ADARB2: variants seen among roughly 807,000 people sequenced by gnomAD.
ADARB2 encodes inactive double-stranded RNA-specific editase B2.
Under a neutral mutation model 62.2 loss-of-function variants are expected in ADARB2, and 25 were observed. The observed-to-expected ratio is 0.40, with a 90% CI of 0.29 to 0.56. The LOEUF is 0.56. Among genes scored for constraint, ADARB2 ranks in the 20% least tolerant of loss-of-function variants. The probability of loss-of-function intolerance (pLI) is 0.43; values close to 1 mark genes in which losing one functional copy is unlikely to be tolerated. For missense variants in ADARB2, 1,071 were observed against 1,077.4 expected, an observed-to-expected ratio of 0.99 and a Z score of 0.08; for synonymous variants, 572 against 500.8, an observed-to-expected ratio of 1.14 and a Z score of -1.90.
chr10:1,676,412 T>C (rs1198929134), intron 1 of ADARB2, among the ~76,000 whole-genome samples: 1 of 152,206 alleles, frequency 6.6e-6, no homozygotes, highest in East Asian at 1.9e-4. Flanking sequence ...TTAAAGTTCA[T>C]GAAGGCACCA....
intron 1 of ADARB2, among the ~76,000 whole-genome samples, chr10:1,567,067 T>A (rs537202281): frequency 6.6e-6 from 1 of 152,078 alleles, no homozygotes; most frequent in East Asian, 1.9e-4. Context: ...CTTAGAATTG[T>A]GGAAGTTTAG....
intron 1 of ADARB2, among the ~76,000 whole-genome samples, chr10:1,727,425 C>T (rs1588368661): frequency 6.6e-6 from 1 of 152,210 alleles, no homozygotes. Flanking sequence ...CTCAGCCCAT[C>T]TCTCCACAGC....
chr10:1,367,192 C>T (rs1832321091), intron 2 of ADARB2, among the ~76,000 whole-genome samples: 1 of 152,230 alleles, frequency 6.6e-6, no homozygotes, highest in African/African-American at 2.4e-5. Context: ...GCGCTGCCTG[C>T]CCGTTCAGCT....
intron 8 of ADARB2, among the ~76,000 whole-genome samples, chr10:1,196,900 C>T (rs1589148557): frequency 1.3e-5 from 2 of 152,328 alleles, no homozygotes; most frequent in Admixed American, 1.3e-4. Context: ...CCACGCTTAG[C>T]TAAGACTGCC....
chr10:1,430,773 T>C (rs1015981963), intron 1 of ADARB2, among the ~76,000 whole-genome samples: 1 of 152,038 alleles, frequency 6.6e-6, no homozygotes, highest in African/African-American at 2.4e-5. Context: ...TATATGAAAT[T>C]ATATAAAGTA....
chr10:1,327,070 C>CCACTGCACAGCGCCTCCT (rs1564258065), intron 3 of ADARB2, among the ~76,000 whole-genome samples: 1 of 41,030 alleles, frequency 2.4e-5, no homozygotes, highest in South Asian at 6.3e-4. Flanking sequence ...CAGCGCCTCC[C>CCACTGCACAGCGCCTCCT]CACTGCACAG....
intron 1 of ADARB2, among the ~76,000 whole-genome samples, chr10:1,624,082 A>C (rs1209606436): frequency 6.6e-6 from 1 of 151,994 alleles, no homozygotes; most frequent in Non-Finnish European, 1.5e-5. Context: ...AAAACATGAA[A>C]AATTAGCCTG....
In ADARB2 at chr10:1,219,985, GTGA is replaced by G. The variant is rs747830558; in HGVS notation, c.1514-2869_1514-2867del. On this transcript the variant is annotated intron_variant, in intron 6 of 9. Coordinates refer to ENST00000381312, the MANE Select transcript of ADARB2 (RefSeq NM_018702.4). ...GTGGTGATGGATGATGGTGATGGTGGTGATGATGGTGATGATGATGGTAATGGT... is the reference window on the plus strand; with the variant it reads ...GTGGTGATGGATGATGGTGATGGTGGTGATGGTGATGATGATGGTAATGGT... Among the ~76,000 whole-genome samples, 130 of 129,608 alleles carry G rather than the reference GTGA, an allele frequency of 1.0e-3. No homozygotes were observed. In the East Asian group the frequency reaches 0.024, roughly 24 times the overall value. 85.0% of individuals were successfully genotyped at this position (129,608 alleles called of 152,430 possible).
chr10:1,183,070 C>T lies in ADARB2; in HGVS notation c.*123G>A, dbSNP rs544631735. 15 of 1,129,414 alleles carry T rather than the reference C, an allele frequency of 1.3e-5. No individual in the cohort carries two copies. In the Admixed American group the frequency reaches 1.5e-4, roughly 11 times the overall value. 70.0% of individuals were successfully genotyped at this position (1,129,414 alleles called of 1,614,324 possible). On this transcript the variant is annotated 3_prime_UTR_variant, in exon 10 of 10. Coordinates refer to ENST00000381312, the MANE Select transcript of ADARB2 (RefSeq NM_018702.4). ...TGCTCGTCCAAACATTGCACACTCGCGTGTTTCTGGGACACCAAAGTAAAA... is the reference window on the plus strand; with the variant it reads ...TGCTCGTCCAAACATTGCACACTCGTGTGTTTCTGGGACACCAAAGTAAAA...
At chr10:1,508,304 C>A (rs760427866) in intron 1 of ADARB2, among the ~76,000 whole-genome samples, 1 of 152,186 alleles carries the variant, frequency 6.6e-6, no homozygotes, top group Admixed American at 6.5e-5. Context: ...TGAAGACACA[C>A]GCTATGGTCA....
At chr10:1,305,765 T>C (rs1233105362) in intron 3 of ADARB2, among the ~76,000 whole-genome samples, 2 of 152,166 alleles carry the variant, frequency 1.3e-5, no homozygotes, top group Non-Finnish European at 2.9e-5. Flanking sequence ...AATCAATAAA[T>C]GTAATCCAGC....
intron 1 of ADARB2, among the ~76,000 whole-genome samples, chr10:1,664,845 C>T (rs951044147): frequency 6.6e-6 from 1 of 152,202 alleles, no homozygotes; most frequent in African/African-American, 2.4e-5. Context: ...AATGGCTCCT[C>T]AAGACTGCCA....
chr10:1,693,023 T>C (rs912256221), intron 1 of ADARB2, among the ~76,000 whole-genome samples: 3 of 152,184 alleles, frequency 2.0e-5, no homozygotes, highest in African/African-American at 7.2e-5. Flanking sequence ...CTGGAGTTTT[T>C]GGAAGTCTCT....
intron 1 of ADARB2, among the ~76,000 whole-genome samples, chr10:1,512,902 C>T (rs916607171): frequency 4.6e-5 from 7 of 152,328 alleles, no homozygotes; most frequent in African/African-American, 7.2e-5. Flanking sequence ...AAATCAACAA[C>T]GACTTGGTAA....
intron 1 of ADARB2, among the ~76,000 whole-genome samples, chr10:1,628,623 G>T (rs1349074119): frequency 2.0e-5 from 3 of 152,198 alleles, no homozygotes; most frequent in Non-Finnish European, 4.4e-5. Context: ...TTCTGTACAA[G>T]AAACCTCCAT....
chr10:1,620,615 A>T (rs1833693755), intron 1 of ADARB2, among the ~76,000 whole-genome samples: 1 of 152,266 alleles, frequency 6.6e-6, no homozygotes, highest in Non-Finnish European at 1.5e-5. Context: ...ACGACTCTCC[A>T]TTCATTCAGT....
At chr10:1,518,994 G>C (rs1229065132) in intron 1 of ADARB2, among the ~76,000 whole-genome samples, 1 of 151,622 alleles carries the variant, frequency 6.6e-6, no homozygotes, top group Non-Finnish European at 1.5e-5. Context: ...TCATATGCCT[G>C]CATTCCATGT....
chr10:1,622,796 G>A (rs904703823), intron 1 of ADARB2, among the ~76,000 whole-genome samples: 2 of 152,064 alleles, frequency 1.3e-5, no homozygotes, highest in African/African-American at 4.8e-5. Flanking sequence ...ACATATACCC[G>A]CCATATAACA....
At chr10:1,501,933 A>G (rs1264395688) in intron 1 of ADARB2, among the ~76,000 whole-genome samples, 1 of 152,230 alleles carries the variant, frequency 6.6e-6, no homozygotes, top group African/African-American at 2.4e-5. Flanking sequence ...TCTTTCGAAG[A>G]ACTCTGCCTG....
Sources: gnomAD v4.1 joint callset for allele counts (sites outside exome capture counted in the v4.1 genomes callset) on GRCh38, gnomAD v4.1.1 for gene constraint, MANE v1.5 for transcripts, NCBI Gene and HGNC (gene_info 2026-07-23, HGNC 2026-07-21) for gene names.